The following NAV2 variants were observed in gnomAD, a reference collection of about 807,000 sequenced individuals.
NAV2 encodes helicase, APC down-regulated 1.
NAV2 carries 54 observed loss-of-function variants against 223.2 expected under a neutral mutation model. The ratio of observed to expected loss-of-function variants is 0.24; its 90% CI spans 0.19 to 0.30. The LOEUF (loss-of-function observed/expected upper bound fraction) is 0.30. Ranked by LOEUF, NAV2 falls within the 10% of genes least tolerant of loss-of-function variation. The probability of loss-of-function intolerance (pLI) is 1.00; values close to 1 mark genes in which losing one functional copy is unlikely to be tolerated. For synonymous variants in NAV2, 1,279 were observed against 1,239.3 expected, an observed-to-expected ratio of 1.03 and a Z score of -0.67; for missense variants, 2,806 against 3,147.5, an observed-to-expected ratio of 0.89 and a Z score of 2.60.
chr11:20,088,895 T>C (rs1280337960), intron 26 of NAV2, among the ~76,000 whole-genome samples: 3 of 151,452 alleles, frequency 2.0e-5, no homozygotes, highest in African/African-American at 7.3e-5. Flanking sequence ...AAGAAGGGAG[T>C]ATCACAGTGA....
At chr11:20,024,004 T>C (rs2054795617) in intron 11 of NAV2, among the ~76,000 whole-genome samples, 1 of 152,192 alleles carries the variant, frequency 6.6e-6, no homozygotes, top group Non-Finnish European at 1.5e-5. Context: ...TGATTAAGGT[T>C]ACACAGCTGA....
At position 19,961,987 on chromosome 11, in the gene NAV2, T is replaced by C. The variant is rs556346171; in HGVS notation, c.2645+12907T>C. ...GTTTGTGTGGGTATGGGTGTATGCA[T>C]GTGTAGAGGAATTGGTCATGTCATT... On this transcript the variant is annotated intron_variant, in intron 10 of 37. Coordinates refer to ENST00000349880, the MANE Select transcript of NAV2 (RefSeq NM_145117.5). 2.6e-5 allele frequency among the ~76,000 whole-genome samples: 4 copies of C among 151,846 alleles called. No homozygotes were observed. The South Asian group carries it at 8.4e-4, about 32-fold the overall frequency.
intron 10 of NAV2, among the ~76,000 whole-genome samples, chr11:19,954,244 A>G (rs2120113): frequency 0.91 from 138,291 of 152,236 alleles, 62,899 homozygotes; most frequent in East Asian, 0.98. Flanking sequence ...AGCCTAGTGT[A>G]GAGAGAAAAC....
At chr11:19,450,710 C>T (rs991491761) in intron 1 of NAV2, among the ~76,000 whole-genome samples, 2 of 152,308 alleles carry the variant, frequency 1.3e-5, no homozygotes, top group Admixed American at 6.5e-5. Context: ...TATACAACTT[C>T]GTCATTCACA....
chr11:19,958,994 C>A (rs1023202037), intron 10 of NAV2, among the ~76,000 whole-genome samples: 8 of 152,202 alleles, frequency 5.3e-5, no homozygotes, highest in African/African-American at 1.9e-4. Flanking sequence ...TTAAACTCAG[C>A]CTGATGTGGG....
At chr11:19,389,958 G>A (rs1007050645) in intron 1 of NAV2, among the ~76,000 whole-genome samples, 2 of 152,178 alleles carry the variant, frequency 1.3e-5, no homozygotes, top group African/African-American at 2.4e-5. Context: ...TCTATTCATG[G>A]CCCAGGCTGC....
chr11:19,853,482 C>A (rs1437586070), intron 3 of NAV2, among the ~76,000 whole-genome samples: 1 of 151,884 alleles, frequency 6.6e-6, no homozygotes, highest in African/African-American at 2.4e-5. Context: ...TGTAAACTCT[C>A]TTAAAACATC....
At chr11:20,076,261 A>G (rs946685763) in intron 22 of NAV2, among the ~76,000 whole-genome samples, 3 of 152,160 alleles carry the variant, frequency 2.0e-5, no homozygotes, top group Non-Finnish European at 4.4e-5. Flanking sequence ...CTTCCCCTGT[A>G]CTACACTGCC....
rs115326269 is a variant in NAV2 at position 19,542,188 on chromosome 11, G to C, written c.75+191161G>C. ...CTCTCACTGTGCAGACCTGACTGCT[G>C]TTGTCCAATTCTTGGCAAGTTTGAT... On this transcript the variant is annotated intron_variant, in intron 1 of 37. Transcript: ENST00000360655. Among the ~76,000 whole-genome samples the C allele has an allele frequency of 6.4e-3, 972 of 152,296 alleles. 15 individuals are homozygous for C. The highest frequency in any genetic ancestry group is 0.022 in the African/African-American group (912 of 41,548).
chr11:19,702,997 A>G (rs1378574265), intron 1 of NAV2, among the ~76,000 whole-genome samples: 2 of 151,396 alleles, frequency 1.3e-5, no homozygotes. Context: ...ACTGCTGTTA[A>G]CAATTCGACA....
chr11:19,936,800 A>G (rs2045946574), intron 7 of NAV2, among the ~76,000 whole-genome samples: 1 of 152,066 alleles, frequency 6.6e-6, no homozygotes, highest in African/African-American at 2.4e-5. Flanking sequence ...TAATTAAGCA[A>G]TTTGCCCCAA....
intron 1 of NAV2, among the ~76,000 whole-genome samples, chr11:19,606,845 G>T (rs1490336785): frequency 6.6e-6 from 1 of 152,092 alleles, no homozygotes; most frequent in Non-Finnish European, 1.5e-5. Context: ...AATCCCAAAG[G>T]CAGGCCACCA....
chr11:19,935,519 A>G (rs1333941478), intron 7 of NAV2, among the ~76,000 whole-genome samples: 3 of 152,108 alleles, frequency 2.0e-5, no homozygotes, highest in Non-Finnish European at 4.4e-5. Flanking sequence ...TGATTCCCCA[A>G]AGAATTCGAT....
Position 20,080,125 on chromosome 11 carries a change from C to T in NAV2, c.5241C>T (p.Val1747=), listed in dbSNP as rs748512131. 6.2e-7 allele frequency: 1 copy of T among 1,614,148 alleles called. No homozygotes were observed. The highest frequency in any genetic ancestry group is 8.5e-7 in the Non-Finnish European group (1 of 1,179,996). The part of the protein sequence containing the change: ...RIRRQHSSDS[V]SSINSATSHS... ...GCAGGCAGCACTCCTCAGACAGCGT[C>T]TCCAGCATCAACAGTGCCACCAGCC... The change falls in exon 25 of 38, where the codon GTC becomes GTT. Residue 1747 remains valine, a synonymous_variant. Transcript: ENST00000349880.
At chr11:19,500,564 C>T (rs146548957) in intron 1 of NAV2, among the ~76,000 whole-genome samples, 49 of 152,204 alleles carry the variant, frequency 3.2e-4, no homozygotes, top group African/African-American at 9.6e-4. Context: ...AATATTTGGT[C>T]AGGAGGAAGA....
At chr11:20,009,163 G>T (rs1484224841) in intron 11 of NAV2, among the ~76,000 whole-genome samples, 1 of 152,124 alleles carries the variant, frequency 6.6e-6, no homozygotes. Context: ...GTTGGAGGTT[G>T]GAGGTCTGAG....
At chr11:19,566,617 T>A (rs568490688) in intron 1 of NAV2, among the ~76,000 whole-genome samples, 136 of 152,332 alleles carry the variant, frequency 8.9e-4, no homozygotes, top group Middle Eastern at 3.4e-3. Context: ...GAGCTGCTTG[T>A]GGATTCAGAT....
chr11:19,620,429 A>G (rs1246094085), intron 1 of NAV2, among the ~76,000 whole-genome samples: 3 of 151,988 alleles, frequency 2.0e-5, no homozygotes, highest in African/African-American at 7.3e-5. Context: ...GTCCTCTTTT[A>G]TTTCATTGAG....
intron 1 of NAV2, among the ~76,000 whole-genome samples, chr11:19,502,142 C>T (rs1489009379): frequency 7.9e-5 from 12 of 152,218 alleles, no homozygotes; most frequent in African/African-American, 2.4e-4. Flanking sequence ...CTAAGATACT[C>T]TAGGTTTTTT....
Sources: gnomAD v4.1 joint callset for allele counts (sites outside exome capture counted in the v4.1 genomes callset) on GRCh38, gnomAD v4.1.1 for gene constraint, MANE v1.5 for transcripts, NCBI Gene and HGNC (gene_info 2026-07-23, HGNC 2026-07-21) for gene names.